POLR3B: variants seen among roughly 807,000 people sequenced by gnomAD.
POLR3B encodes DNA-directed RNA polymerase III subunit RPC2.
In POLR3B, 96 loss-of-function variants were observed where a neutral mutation model predicts 147.4. The observed-to-expected ratio is 0.65, with a 90% CI of 0.55 to 0.77. The LOEUF (loss-of-function observed/expected upper bound fraction) is 0.77, where lower values mean the gene tolerates loss of function less well. Among genes scored for constraint, POLR3B ranks in the 30% least tolerant of loss-of-function variants. The pLI, the probability that POLR3B is intolerant of heterozygous loss-of-function variation, is 0.00. For missense variants in POLR3B, 1,036 were observed against 1,413.5 expected (o/e 0.73, Z 4.28); for synonymous variants, 461 against 485.9 (o/e 0.95, Z 0.67).
At chr12:106,446,746 A>T (rs2137019610) in intron 19 of POLR3B, among the ~76,000 whole-genome samples, 1 of 152,344 alleles carries the variant, frequency 6.6e-6, no homozygotes, top group East Asian at 1.9e-4. Flanking sequence ...ATCTTAAGTA[A>T]TAAAAAAAAG....
At chr12:106,473,770 A>G (rs1481729469) in intron 23 of POLR3B, among the ~76,000 whole-genome samples, 2 of 129,808 alleles carry the variant, frequency 1.5e-5, no homozygotes, top group African/African-American at 2.9e-5. Flanking sequence ...TTGGGCTGAG[A>G]TGATGGGGTT....
chr12:106,390,078 C>A (rs1258833468), intron 9 of POLR3B, among the ~76,000 whole-genome samples: 1 of 152,134 alleles, frequency 6.6e-6, no homozygotes, highest in South Asian at 2.1e-4. Flanking sequence ...ATTAGCTGGG[C>A]ATGGTGGCAG....
intron 18 of POLR3B, among the ~76,000 whole-genome samples, chr12:106,443,710 A>G (rs1345492752): frequency 6.6e-6 from 1 of 151,850 alleles, no homozygotes; most frequent in East Asian, 1.9e-4. Flanking sequence ...AAGTAGAGAC[A>G]GTGTTTCACT....
intron 12 of POLR3B, among the ~76,000 whole-genome samples, chr12:106,424,991 T>C (rs192371950): frequency 6.6e-6 from 1 of 152,344 alleles, no homozygotes; most frequent in Non-Finnish European, 1.5e-5. Context: ...ATGTGCTATT[T>C]CTATTAAGGT....
In POLR3B at chr12:106,357,895, G is replaced by A. The variant is rs766117016; in HGVS notation, c.16G>A (p.Glu6Lys). MDVLA[E>K]EFGNLTPEQL... Reference sequence around the variant, plus strand: ...CGTGAGCAGCATGGACGTGCTAGCGGAGGAGTTTGGGAACCTGACTCCGGA... The same window carrying A: ...CGTGAGCAGCATGGACGTGCTAGCGAAGGAGTTTGGGAACCTGACTCCGGA... Residue 6 changes from glutamate to lysine, a missense_variant, in exon 1 of 28, where the codon GAG (glutamate) becomes AAG (lysine). Transcript: ENST00000228347. 1 of 1,613,650 alleles carries A rather than the reference G, an allele frequency of 6.2e-7. No individual in the cohort carries two copies. Among genetic ancestry groups the A allele is most frequent in the South Asian group, 1.1e-5 (1 of 91,014 alleles).
chr12:106,453,787 C>T (rs943128179), intron 19 of POLR3B, among the ~76,000 whole-genome samples: 17 of 152,120 alleles, frequency 1.1e-4, no homozygotes, highest in Non-Finnish European at 2.2e-4. Flanking sequence ...GACCCAATAA[C>T]ACCCATCCGA....
intron 2 of POLR3B, among the ~76,000 whole-genome samples, chr12:106,365,003 C>T (rs1171334102): frequency 1.3e-5 from 2 of 151,988 alleles, no homozygotes; most frequent in East Asian, 1.9e-4. Flanking sequence ...GGTGTGGTGG[C>T]GGGCCCCTGT....
rs563408918 is a variant in POLR3B, at chr12:106,414,919, C to A, written c.1101+3959C>A. Among the ~76,000 whole-genome samples the A allele has an allele frequency of 2.6e-5, 4 of 152,278 alleles. No individual in the cohort carries two copies. The East Asian group carries it at 7.7e-4, about 29-fold the overall frequency. ...TTTACTTTAAAGCCCCCTTTGAATT[C>A]TGATATTCTTTCTTCATTTGCTGTC... On this transcript the variant is annotated intron_variant, in intron 12 of 27. Transcript: ENST00000228347.
Position 106,357,865 on chromosome 12 carries a change from T to C in POLR3B, c.-15T>C. ...CGCGGAGGTTCTATCTGTTTCTTCCTCCTTCGTGAGCAGCATGGACGTGCT... is the reference window on the plus strand; with the variant it reads ...CGCGGAGGTTCTATCTGTTTCTTCCCCCTTCGTGAGCAGCATGGACGTGCT... On this transcript the variant is annotated 5_prime_UTR_variant, in exon 1 of 28. Transcript: ENST00000228347. The C allele has an allele frequency of 6.2e-7, 1 of 1,612,880 alleles. No homozygotes were observed.
At position 106,496,075 on chromosome 12, in the gene POLR3B, C is replaced by T. The variant is rs1318561051; in HGVS notation, c.2734C>T (p.Pro912Ser). The T allele has an allele frequency of 8.1e-6, 13 of 1,610,896 alleles. No homozygotes were observed. Among genetic ancestry groups the T allele is most frequent in the Non-Finnish European group, 1.1e-5 (13 of 1,177,084 alleles). The change falls in exon 24 of 28, where the codon CCC becomes TCC. Residue 912 changes from proline to serine, a missense_variant. Pro to Ser is a moderately conservative substitution (Grantham distance 74). Around this residue, in one of 12 missense-constraint regions of POLR3B, gnomAD observed 202 missense variants for 272.8 expected, o/e 0.74. Coordinates refer to ENST00000228347, the MANE Select transcript of POLR3B (RefSeq NM_018082.6). The part of the protein sequence containing the change: ...GQKGVCGLIV[P>S]QEDMPFCDSG... Reference sequence around the variant, plus strand: ...CCCAGGTGTTTGTGGCTTGATCGTCCCCCAGGAAGACATGCCATTTTGTGA... The same window carrying T: ...CCCAGGTGTTTGTGGCTTGATCGTCTCCCAGGAAGACATGCCATTTTGTGA...
rs768773937 is a variant in POLR3B at position 106,427,189 on chromosome 12, T to TAA, written c.1102-8_1102-7insAA. 15 of 1,484,792 alleles carry TAA rather than the reference T, an allele frequency of 1.0e-5. No homozygotes were observed. The highest frequency in any genetic ancestry group is 9.7e-5 in the East Asian group (4 of 41,356). The allele number at this position is 1,484,792 out of a possible 1,614,324, so 92.0% of individuals were successfully genotyped here. On this transcript the variant is annotated splice_region_variant and splice_polypyrimidine_tract_variant and intron_variant, in intron 12 of 27. Transcript: ENST00000228347. ...AAAATCACCATATACCTTTTTTTTTTTTTTTAGCTTTTATCTCTTCTTTTT... is the reference window on the plus strand; with the variant it reads ...AAAATCACCATATACCTTTTTTTTTTAATTTTTAGCTTTTATCTCTTCTTTTT...
chr12:106,500,563 C>T (rs181274020), intron 25 of POLR3B, among the ~76,000 whole-genome samples: 9 of 152,270 alleles, frequency 5.9e-5, no homozygotes, highest in African/African-American at 1.9e-4. Context: ...GCCGGAGTGA[C>T]GATGCCAGGT....
At chr12:106,437,606 G>A (rs1348871961) in intron 17 of POLR3B, 75 bp from the exon 18 acceptor site, 3 of 807,068 alleles carry the variant, frequency 3.7e-6, no homozygotes, top group Admixed American at 1.9e-5. Context: ...ACGAAAGCCA[G>A]TATCTCCTGT....
intron 11 of POLR3B, among the ~76,000 whole-genome samples, chr12:106,406,219 T>C (rs955237458): frequency 2.6e-5 from 4 of 152,230 alleles, no homozygotes; most frequent in Non-Finnish European, 5.9e-5. Flanking sequence ...TCTTAAATTA[T>C]TGTTATTTTA....
At chr12:106,462,663 C>G (rs1298457774) in intron 22 of POLR3B, among the ~76,000 whole-genome samples, 1 of 152,204 alleles carries the variant, frequency 6.6e-6, no homozygotes, top group African/African-American at 2.4e-5. Context: ...TAGCACACCT[C>G]CCTGGCCTCA....
At chr12:106,440,942 A>G (rs1470754455) in intron 18 of POLR3B, among the ~76,000 whole-genome samples, 1 of 152,150 alleles carries the variant, frequency 6.6e-6, no homozygotes, top group Non-Finnish European at 1.5e-5. Context: ...AAAAATCTAG[A>G]AGTTTTTGTA....
intron 10 of POLR3B, among the ~76,000 whole-genome samples, chr12:106,402,487 G>C (rs1231980067): frequency 6.6e-6 from 1 of 152,246 alleles, no homozygotes; most frequent in African/African-American, 2.4e-5. Flanking sequence ...AACCAAAAAA[G>C]AGCCCGCATC....
At chr12:106,503,774 A>T (rs1197072380) in intron 26 of POLR3B, among the ~76,000 whole-genome samples, 1 of 152,260 alleles carries the variant, frequency 6.6e-6, no homozygotes, top group East Asian at 1.9e-4. Flanking sequence ...TGGTAATAGT[A>T]ATGGTGTTTT....
At chr12:106,426,611 G>A (rs1232927776) in intron 12 of POLR3B, among the ~76,000 whole-genome samples, 4 of 151,982 alleles carry the variant, frequency 2.6e-5, no homozygotes, top group East Asian at 1.9e-4. Flanking sequence ...CACCACGCCC[G>A]GGTGCAATTT....
Sources: gnomAD v4.1 joint callset for allele counts (sites outside exome capture counted in the v4.1 genomes callset) on GRCh38, gnomAD v4.1.1 for gene constraint, gnomAD v4.1.1 regional missense constraint, MANE v1.5 for transcripts, NCBI Gene and HGNC (gene_info 2026-07-23, HGNC 2026-07-21) for gene names.